The following MARCHF11 variants were observed in gnomAD, a reference collection of about 807,000 sequenced individuals.
MARCHF11 encodes membrane associated ring-CH-type finger 11, also known as E3 ubiquitin-protein ligase MARCHF11.
Under a neutral mutation model 37.3 loss-of-function variants are expected in MARCHF11, and 29 were observed. The observed-to-expected ratio is 0.78, with a 90% CI of 0.58 to 1.06. The LOEUF (loss-of-function observed/expected upper bound fraction) is 1.06, where lower values mean the gene tolerates loss of function less well. Ranked by LOEUF, MARCHF11 falls within the 50% of genes least tolerant of loss-of-function variation. MARCHF11 has a pLI of 0.00. For missense variants in MARCHF11, 482 were observed against 533.4 expected (o/e 0.90, Z 0.95); for synonymous variants, 233 against 228.0 (o/e 1.02, Z -0.20).
intron 2 of MARCHF11, among the ~76,000 whole-genome samples, chr5:16,176,959 G>A (rs1048985849): frequency 6.6e-6 from 1 of 151,980 alleles, no homozygotes; most frequent in African/African-American, 2.4e-5. Flanking sequence ...TCCTTAAGAT[G>A]TCATTCTTAA....
chr5:16,151,513 C>T (rs928840903), intron 2 of MARCHF11, among the ~76,000 whole-genome samples: 3 of 151,522 alleles, frequency 2.0e-5, no homozygotes, highest in Admixed American at 6.6e-5. Flanking sequence ...CATTCCCTTG[C>T]CACATCCCAC....
At chr5:16,129,647 T>A (rs755501175) in intron 2 of MARCHF11, among the ~76,000 whole-genome samples, 1 of 152,186 alleles carries the variant, frequency 6.6e-6, no homozygotes, top group African/African-American at 2.4e-5. Context: ...ATTTTATTTC[T>A]ACATTGAGTT....
chr5:16,171,868 G>A (rs1473248853), intron 2 of MARCHF11, among the ~76,000 whole-genome samples: 1 of 152,160 alleles, frequency 6.6e-6, no homozygotes, highest in African/African-American at 2.4e-5. Context: ...TGCCTAGGAT[G>A]TTCTTTCTTC....
chr5:16,093,328 C>T (rs532036556), intron 2 of MARCHF11, among the ~76,000 whole-genome samples: 2 of 152,232 alleles, frequency 1.3e-5, no homozygotes, highest in South Asian at 2.1e-4. Flanking sequence ...TTGAATAGCT[C>T]AAAACTGCAT....
chr5:16,150,213 T>A (rs1016400493), intron 2 of MARCHF11, among the ~76,000 whole-genome samples: 1 of 149,516 alleles, frequency 6.7e-6, no homozygotes, highest in Non-Finnish European at 1.5e-5. Context: ...ATTATATAAT[T>A]CTTAGAATTT....
At chr5:16,178,356 T>C (rs1183331321) in intron 1 of MARCHF11, among the ~76,000 whole-genome samples, 1 of 152,224 alleles carries the variant, frequency 6.6e-6, no homozygotes, top group African/African-American at 2.4e-5. Context: ...TTTCCTTACT[T>C]TTAAAAACAT....
intron 2 of MARCHF11, 40 bp downstream of exon 2, chr5:16,177,686 C>A: frequency 6.5e-7 from 1 of 1,549,358 alleles, no homozygotes; most frequent in Non-Finnish European, 8.7e-7. Context: ...TTCATGTTAA[C>A]AAAATTATTT....
chr5:16,136,292 A>T (rs1356214032), intron 2 of MARCHF11, among the ~76,000 whole-genome samples: 1 of 152,152 alleles, frequency 6.6e-6, no homozygotes, highest in African/African-American at 2.4e-5. Flanking sequence ...GAAAAAAAAA[A>T]CTGATATGTA....
intron 2 of MARCHF11, among the ~76,000 whole-genome samples, chr5:16,150,705 C>T (rs1232600563): frequency 3.9e-5 from 6 of 152,014 alleles, no homozygotes; most frequent in Non-Finnish European, 7.4e-5. Flanking sequence ...TTCCCTATAC[C>T]GAAGGCTTAG....
At chr5:16,161,524 A>G (rs925093305) in intron 2 of MARCHF11, among the ~76,000 whole-genome samples, 3 of 151,934 alleles carry the variant, frequency 2.0e-5, no homozygotes, top group East Asian at 1.9e-4. Context: ...GCTCAAACAA[A>G]ATGTCTCCAT....
At chr5:16,115,304 A>T (rs1197458895) in intron 2 of MARCHF11, among the ~76,000 whole-genome samples, 3 of 152,168 alleles carry the variant, frequency 2.0e-5, no homozygotes, top group Non-Finnish European at 4.4e-5. Flanking sequence ...ACTTAGCACC[A>T]CTTCTGTGCG....
At chr5:16,143,825 G>A (rs1157192898) in intron 2 of MARCHF11, among the ~76,000 whole-genome samples, 2 of 152,240 alleles carry the variant, frequency 1.3e-5, no homozygotes, top group Non-Finnish European at 2.9e-5. Flanking sequence ...CCCCCAGAGA[G>A]AGACTCTGCT....
At chr5:16,076,008 T>TGCCCAG (rs771034721) in intron 3 of MARCHF11, among the ~76,000 whole-genome samples, 6 of 152,254 alleles carry the variant, frequency 3.9e-5, no homozygotes, top group Non-Finnish European at 7.3e-5. Context: ...TACTGGGCTG[T>TGCCCAG]GCCCAGGCCT....
chr5:16,149,219 G>C (rs1468864023), intron 2 of MARCHF11, among the ~76,000 whole-genome samples: 2 of 152,096 alleles, frequency 1.3e-5, no homozygotes, highest in African/African-American at 2.4e-5. Context: ...GCCTTCCTTT[G>C]AAATGTGAGG....
At chr5:16,158,481 T>C (rs552117108) in intron 2 of MARCHF11, among the ~76,000 whole-genome samples, 1 of 151,978 alleles carries the variant, frequency 6.6e-6, no homozygotes, top group African/African-American at 2.4e-5. Flanking sequence ...TTAAGTGAAA[T>C]AAGCCAGGCA....
intron 2 of MARCHF11, among the ~76,000 whole-genome samples, chr5:16,108,114 C>T (rs911485662): frequency 5.3e-5 from 8 of 152,318 alleles, no homozygotes; most frequent in East Asian, 1.9e-4. Context: ...TCAAGCCATT[C>T]GTGGACGGCA....
intron 2 of MARCHF11, among the ~76,000 whole-genome samples, chr5:16,117,598 TCACCTGTCAGCTGGTTGTGGTGGCACA>T (rs2126574707): frequency 6.6e-6 from 1 of 152,280 alleles, no homozygotes; most frequent in East Asian, 1.9e-4. Context: ...TTATTTAAAC[TCACCTGTCAGCTGGTTGTGGTGGCACA>T]CACCTGTAAT....
At chr5:16,158,437 T>A (rs755881380) in intron 2 of MARCHF11, among the ~76,000 whole-genome samples, 5 of 151,952 alleles carry the variant, frequency 3.3e-5, no homozygotes, top group Non-Finnish European at 5.9e-5. Flanking sequence ...ACTATTCATT[T>A]GCAACAACAT....
At chr5:16,132,389 A>G (rs1737532337) in intron 2 of MARCHF11, among the ~76,000 whole-genome samples, 1 of 152,200 alleles carries the variant, frequency 6.6e-6, no homozygotes, top group Admixed American at 6.5e-5. Flanking sequence ...TTTTTGGTCT[A>G]GAAGTTTTCA....
Sources: gnomAD v4.1 joint callset for allele counts (sites outside exome capture counted in the v4.1 genomes callset) on GRCh38, gnomAD v4.1.1 for gene constraint, MANE v1.5 for transcripts, NCBI Gene and HGNC (gene_info 2026-07-23, HGNC 2026-07-21) for gene names.